ELAVL2: variants seen among roughly 807,000 people sequenced by gnomAD.
ELAVL2 encodes the protein ELAV like RNA binding protein 2.
A neutral mutation model predicts 34.6 loss-of-function variants in ELAVL2; 4 were observed. The ratio of observed to expected loss-of-function variants is 0.12; its 90% CI spans 0.06 to 0.26. ELAVL2 has a LOEUF of 0.26. ELAVL2 is among the 10% of genes least tolerant of loss of function. The probability of loss-of-function intolerance (pLI) is 1.00; values close to 1 mark genes in which losing one functional copy is unlikely to be tolerated. For synonymous variants in ELAVL2, 193 were observed against 154.8 expected, an observed-to-expected ratio of 1.25 and a Z score of -1.83; for missense variants, 432 against 442.8, an observed-to-expected ratio of 0.98 and a Z score of 0.22.
At chr9:23,693,425 G>A (rs765683959) in intron 6 of ELAVL2, 23 bp downstream of exon 6, 2 of 1,613,620 alleles carry the variant, frequency 1.2e-6, no homozygotes, top group African/African-American at 1.3e-5. Context: ...GGGATTATGA[G>A]TATCATGAAC....
At chr9:23,737,691 T>C (rs2048225083) in intron 2 of ELAVL2, among the ~76,000 whole-genome samples, 1 of 152,198 alleles carries the variant, frequency 6.6e-6, no homozygotes, top group African/African-American at 2.4e-5. Context: ...CTGATTGATG[T>C]GTATCTATTA....
chr9:23,770,691 G>C (rs1409538836), intron 1 of ELAVL2, among the ~76,000 whole-genome samples: 3 of 152,040 alleles, frequency 2.0e-5, no homozygotes, highest in African/African-American at 7.2e-5. Flanking sequence ...AAAGACTCTG[G>C]GAGGAATGCA....
intron 1 of ELAVL2, among the ~76,000 whole-genome samples, chr9:23,824,125 A>G (rs745370697): frequency 8.5e-5 from 13 of 152,216 alleles, no homozygotes; most frequent in Non-Finnish European, 1.8e-4. Context: ...CACCCTCGCC[A>G]TAATAAAACC....
intron 1 of ELAVL2, among the ~76,000 whole-genome samples, chr9:23,794,774 C>G (rs2060715117): frequency 6.6e-6 from 1 of 152,132 alleles, no homozygotes; most frequent in African/African-American, 2.4e-5. Context: ...GCAATGCTCC[C>G]TACAATCTGG....
At chr9:23,803,917 G>A (rs2061882190) in intron 1 of ELAVL2, among the ~76,000 whole-genome samples, 1 of 152,098 alleles carries the variant, frequency 6.6e-6, no homozygotes, top group Non-Finnish European at 1.5e-5. Flanking sequence ...CTTGAGAGTG[G>A]CATCCACATC....
chr9:23,749,669 C>T (rs143324626), intron 2 of ELAVL2, among the ~76,000 whole-genome samples: 12 of 152,072 alleles, frequency 7.9e-5, no homozygotes, highest in African/African-American at 1.9e-4. Flanking sequence ...GGGTGCAGAA[C>T]GTGACTTTTG....
chr9:23,810,631 A>G (rs2062849608), intron 1 of ELAVL2, among the ~76,000 whole-genome samples: 1 of 152,144 alleles, frequency 6.6e-6, no homozygotes. Context: ...CAGAACTACC[A>G]AAAGTAGAAA....
intron 3 of ELAVL2, among the ~76,000 whole-genome samples, chr9:23,709,340 A>G (rs2133572817): frequency 6.6e-6 from 1 of 152,278 alleles, no homozygotes; most frequent in East Asian, 1.9e-4. Flanking sequence ...ATAGTGGGAT[A>G]AGGACTCACA....
chr9:23,760,888 T>A (rs529110347), intron 2 of ELAVL2, among the ~76,000 whole-genome samples: 1 of 152,160 alleles, frequency 6.6e-6, no homozygotes, highest in Admixed American at 6.6e-5. Flanking sequence ...CACTTGCAGA[T>A]CTTGGAGAGA....
chr9:23,710,869 G>A (rs571820983), intron 3 of ELAVL2, among the ~76,000 whole-genome samples: 4 of 152,018 alleles, frequency 2.6e-5, no homozygotes, highest in African/African-American at 7.2e-5. Flanking sequence ...TGGCTACATC[G>A]GACCTTCCAA....
intron 1 of ELAVL2, among the ~76,000 whole-genome samples, chr9:23,814,731 C>T (rs1183735471): frequency 1.3e-5 from 2 of 152,132 alleles, no homozygotes; most frequent in African/African-American, 4.8e-5. Context: ...TTAACACATT[C>T]TGGATACCTC....
intron 1 of ELAVL2, among the ~76,000 whole-genome samples, chr9:23,786,510 T>A (rs1441987617): frequency 2.7e-5 from 4 of 148,908 alleles, no homozygotes; most frequent in Non-Finnish European, 4.5e-5. Context: ...TTTCACACTT[T>A]AAAAAAAAAA....
At chr9:23,806,834 C>T (rs896159807) in intron 1 of ELAVL2, among the ~76,000 whole-genome samples, 1 of 152,118 alleles carries the variant, frequency 6.6e-6, no homozygotes, top group African/African-American at 2.4e-5. Context: ...CGTAACAGCT[C>T]CTTAACTCTC....
chr9:23,731,237 G>A (rs1451730372), intron 2 of ELAVL2, 112 bp from the exon 3 acceptor site: 4 of 753,266 alleles, frequency 5.3e-6, no homozygotes, highest in Non-Finnish European at 8.0e-6. Context: ...TTCCTCAACA[G>A]TAAAAAGAAC....
intron 2 of ELAVL2, among the ~76,000 whole-genome samples, chr9:23,753,629 T>G (rs1160431933): frequency 6.6e-6 from 1 of 152,108 alleles, no homozygotes; most frequent in African/African-American, 2.4e-5. Flanking sequence ...AATTTAACTG[T>G]TTTTTATCTT....
At chr9:23,753,956 C>G (rs1210169880) in intron 2 of ELAVL2, among the ~76,000 whole-genome samples, 1 of 152,150 alleles carries the variant, frequency 6.6e-6, no homozygotes, top group Non-Finnish European at 1.5e-5. Flanking sequence ...TTACTGAAGA[C>G]TATTCCTAAT....
intron 2 of ELAVL2, among the ~76,000 whole-genome samples, chr9:23,752,488 T>C (rs1392581145): frequency 3.3e-5 from 5 of 151,412 alleles, no homozygotes; most frequent in Non-Finnish European, 7.4e-5. Context: ...TTTTTTGAGA[T>C]AGAGTCTCCC....
At chr9:23,795,742 C>G (rs976904362) in intron 1 of ELAVL2, among the ~76,000 whole-genome samples, 2 of 152,094 alleles carry the variant, frequency 1.3e-5, no homozygotes, top group African/African-American at 2.4e-5. Flanking sequence ...TATTTAAGAA[C>G]GAATATTCCT....
the ELAVL2 span, among the ~76,000 whole-genome samples, chr9:23,836,570 T>C: frequency 6.6e-6 from 1 of 152,182 alleles, no homozygotes; most frequent in African/African-American, 2.4e-5. Context: ...AAGGTTTGTA[T>C]AAAAGAGGAA....
Sources: gnomAD v4.1 joint callset for allele counts (sites outside exome capture counted in the v4.1 genomes callset) on GRCh38, gnomAD v4.1.1 for gene constraint, MANE v1.5 for transcripts, NCBI Gene and HGNC (gene_info 2026-07-23, HGNC 2026-07-21) for gene names.